Variants in MLX observed in about 807,000 individuals in gnomAD.
MLX encodes MAX dimerization protein MLX.
MLX carries 15 observed loss-of-function variants against 33.0 expected under a neutral mutation model. The ratio of observed to expected loss-of-function variants is 0.45; its 90% CI spans 0.30 to 0.70. The LOEUF is 0.70. Among genes scored for constraint, MLX ranks in the 30% least tolerant of loss-of-function variants. The pLI, the probability that MLX is intolerant of heterozygous loss-of-function variation, is 0.07. For synonymous variants in MLX, 115 were observed against 115.6 expected (o/e 0.99, Z 0.03); for missense variants, 285 against 306.3 (o/e 0.93, Z 0.52).
At chr17:42,568,410 C>T (rs1160515239) in intron 2 of MLX, 60 bp from the exon 3 acceptor site, 18 of 1,175,424 alleles carry the variant, frequency 1.5e-5, no homozygotes, top group Non-Finnish European at 2.5e-6. Context: ...CTACAGGTGT[C>T]TGAGGGTCTG....
At chr17:42,569,944 C>T (rs1318503956) in intron 6 of MLX, 38 bp from the exon 7 acceptor site, 3 of 1,571,890 alleles carry the variant, frequency 1.9e-6, no homozygotes, top group Admixed American at 1.7e-5. Flanking sequence ...GTGGGCGGAG[C>T]TGCTGCAGCA....
Position 42,567,190 on chromosome 17 carries a change from C to T in MLX, c.42+24C>T, listed in dbSNP as rs999925774. The T allele has an allele frequency of 8.5e-6, 11 of 1,290,450 alleles. No individual in the cohort carries two copies. The Admixed American group carries it at 3.6e-4, about 43-fold the overall frequency. The allele number at this position is 1,290,450 out of a possible 1,614,324, so 79.9% of individuals were successfully genotyped here. On this transcript the variant is annotated intron_variant, in intron 1 of 7. Transcript: ENST00000435881. ...AGGCAAGCCCCGTGGGCGCGCACGC[C>T]GGCGAGGGGAGGGCGGGTCGGGCTC...
At chr17:42,570,856 C>T (rs374630027) in intron 7 of MLX, among the ~76,000 whole-genome samples, 1 of 151,848 alleles carries the variant, frequency 6.6e-6, no homozygotes, top group Non-Finnish European at 1.5e-5. Flanking sequence ...GGGGTTTCAC[C>T]GTGTTAGCCA....
intron 7 of MLX, among the ~76,000 whole-genome samples, chr17:42,571,085 C>G (rs1265068152): frequency 6.6e-6 from 1 of 151,706 alleles, no homozygotes; most frequent in East Asian, 1.9e-4. Context: ...ATCTCTCCAT[C>G]TTGCTTCAGG....
Position 42,572,448 on chromosome 17 carries a change from C to T in MLX, c.*845C>T, listed in dbSNP as rs1567910861. 1 of 454,662 alleles carries T rather than the reference C, an allele frequency of 2.2e-6. No individual in the cohort carries two copies. Among genetic ancestry groups the T allele is most frequent in the East Asian group, 6.9e-5 (1 of 14,538 alleles). The allele number at this position is 454,662 out of a possible 1,614,324, so 28.2% of individuals were successfully genotyped here. ...CTCTCCCATGTCTCAGTGTTGCCTG[C>T]ATTTCTCCCAGGACTTGGGGGTGGG... is the stretch of plus-strand genomic sequence containing the variant. On this transcript the variant is annotated 3_prime_UTR_variant, in exon 8 of 8. Coordinates refer to ENST00000435881, the MANE Select transcript of MLX (RefSeq NM_198204.2).
In MLX at chr17:42,572,896, CA is replaced by C. The variant is rs750282241; in HGVS notation, c.*1295del. ...AACAACAACAAAAGCCAACCAAAAA[CA>C]AGGTAGCCAGTGCAAGACATCTCAC... On this transcript the variant is annotated 3_prime_UTR_variant, in exon 8 of 8. Coordinates refer to ENST00000435881, the MANE Select transcript of MLX (RefSeq NM_198204.2). 1.9e-6 allele frequency: 3 copies of C among 1,562,186 alleles called. No homozygotes were observed. The East Asian group carries it at 6.7e-5, about 35-fold the overall frequency.
In MLX at chr17:42,567,168, C is replaced by G. The variant is rs2093011252; in HGVS notation, c.42+2C>G. On this transcript the variant is annotated splice_donor_variant, in intron 1 of 7. Transcript: ENST00000435881. LOFTEE classifies it high-confidence loss of function. ...TCTCCCGAGGACCCTTGGGTCAAGGCAAGCCCCGTGGGCGCGCACGCCGGC... is the reference window on the plus strand; with the variant it reads ...TCTCCCGAGGACCCTTGGGTCAAGGGAAGCCCCGTGGGCGCGCACGCCGGC... The G allele has an allele frequency of 7.7e-7, 1 of 1,295,542 alleles. No individual in the cohort carries two copies. Among genetic ancestry groups the G allele is most frequent in the African/African-American group, 1.5e-5 (1 of 65,686 alleles). The allele number at this position is 1,295,542 out of a possible 1,614,324, so 80.3% of individuals were successfully genotyped here. A position where few individuals can be genotyped will look rare whatever the true frequency, so the allele number is the denominator to read the frequency against.
At position 42,573,021 on chromosome 17, in the gene MLX, C is replaced by T. The variant is rs1383163252; in HGVS notation, c.*1418C>T. 6.2e-7 allele frequency: 1 copy of T among 1,614,238 alleles called. No homozygotes were observed. The highest frequency in any genetic ancestry group is 1.1e-5 in the South Asian group (1 of 91,082). ...TCTTCATCCGTCTCTATCCCAACTT[C>T]CTCCTGTGAGACAGGGAGACAAGTG... is the stretch of plus-strand genomic sequence containing the variant. On this transcript the variant is annotated 3_prime_UTR_variant, in exon 8 of 8. Coordinates refer to ENST00000435881, the MANE Select transcript of MLX (RefSeq NM_198204.2).
chr17:42,572,785 C>T lies in MLX; in HGVS notation c.*1182C>T. The T allele has an allele frequency of 1.3e-6, 1 of 742,066 alleles. No individual in the cohort carries two copies. Among genetic ancestry groups the T allele is most frequent in the Non-Finnish European group, 2.4e-6 (1 of 422,718 alleles). 46.0% of individuals were successfully genotyped at this position (742,066 alleles called of 1,614,324 possible). On this transcript the variant is annotated 3_prime_UTR_variant, in exon 8 of 8. Coordinates refer to ENST00000435881, the MANE Select transcript of MLX (RefSeq NM_198204.2). ...ACAATGAAATGGGCTGGGTCTACCC[C>T]CAGCCACCAGCCCTCATCCTCTCTA... is the stretch of plus-strand genomic sequence containing the variant.
rs772525953 is a variant in MLX, at chr17:42,570,195, C to A, written c.678+12C>A. The A allele has an allele frequency of 6.2e-7, 1 of 1,612,776 alleles. No individual in the cohort carries two copies. The highest frequency in any genetic ancestry group is 8.5e-7 in the Non-Finnish European group (1 of 1,179,654). On this transcript the variant is annotated intron_variant, in intron 7 of 7. Transcript: ENST00000435881. Reference sequence around the variant, plus strand: ...ACTGTAAGCCTCAGGTATGGGGCAACAATAGGCACAGGGTCTGCGGTTTTC... The same window carrying A: ...ACTGTAAGCCTCAGGTATGGGGCAAAAATAGGCACAGGGTCTGCGGTTTTC...
At chr17:42,567,873 C>A in intron 2 of MLX, 1 of 608,356 alleles carries the variant, frequency 1.6e-6, no homozygotes, top group Non-Finnish European at 2.9e-6. Flanking sequence ...ACTGATCACT[C>A]ACCACTCAGT....
In MLX at chr17:42,571,560, T is replaced by C. The variant is rs752474682; in HGVS notation, c.692T>C (p.Ile231Thr). The change falls in exon 8 of 8, where the codon ATT becomes ACT. Residue 231 changes from isoleucine (I) to threonine (T), a missense_variant. Coordinates refer to ENST00000435881, the MANE Select transcript of MLX (RefSeq NM_198204.2). Reference sequence around the variant, plus strand: ...TGCCCTCGCCAGACCCTGCGGGAGATTGTGATTGGCGTCCTGCACCAATTG... The same window carrying C: ...TGCCCTCGCCAGACCCTGCGGGAGACTGTGATTGGCGTCCTGCACCAATTG... Reference protein sequence around the residue: ...EHCKPQTLREIVIGVLHQLKN... With the variant: ...EHCKPQTLRETVIGVLHQLKN... 37 of 1,614,038 alleles carry C rather than the reference T, an allele frequency of 2.3e-5. No homozygotes were observed. The highest frequency in any genetic ancestry group is 3.0e-5 in the Non-Finnish European group (35 of 1,180,030).
At chr17:42,570,953 C>T (rs1567909636) in intron 7 of MLX, among the ~76,000 whole-genome samples, 3 of 152,068 alleles carry the variant, frequency 2.0e-5, no homozygotes, top group Non-Finnish European at 2.9e-5. Flanking sequence ...CTGTGCCTGG[C>T]CTCGTTTCCC....
chr17:42,569,495 C>A lies in MLX; in HGVS notation c.377-12C>A, dbSNP rs147548692. On this transcript the variant is annotated splice_polypyrimidine_tract_variant and intron_variant, in intron 5 of 7. Coordinates refer to ENST00000435881, the MANE Select transcript of MLX (RefSeq NM_198204.2). ...TTCTGTACCTGTCCTTTTTTTCTTGCCCCCACCCTAGCCATTGACTACATT... is the reference window on the plus strand; with the variant it reads ...TTCTGTACCTGTCCTTTTTTTCTTGACCCCACCCTAGCCATTGACTACATT... 3 of 1,593,202 alleles carry A rather than the reference C, an allele frequency of 1.9e-6. No individual in the cohort carries two copies. Among genetic ancestry groups the A allele is most frequent in the Non-Finnish European group, 2.6e-6 (3 of 1,161,766 alleles).
chr17:42,567,320 T>C, intron 1 of MLX, 154 bp downstream of exon 1: 1 of 1,386,852 alleles, frequency 7.2e-7, no homozygotes, highest in Non-Finnish European at 9.4e-7. Context: ...TCACCCCGCG[T>C]GTGCCAAGGT....
Position 42,572,716 on chromosome 17 carries a change from A to G in MLX, c.*1113A>G. Reference sequence around the variant, plus strand: ...ATATTGCCAAATGCTTTCCTTTAGCATTGTTCCAAGTCTAAATGTTAACCT... The same window carrying G: ...ATATTGCCAAATGCTTTCCTTTAGCGTTGTTCCAAGTCTAAATGTTAACCT... On this transcript the variant is annotated 3_prime_UTR_variant, in exon 8 of 8. Transcript: ENST00000435881. The G allele has an allele frequency of 1.7e-6, 1 of 604,026 alleles. No individual in the cohort carries two copies. 37.4% of individuals were successfully genotyped at this position (604,026 alleles called of 1,614,324 possible).
intron 4 of MLX, 81 bp from the exon 5 acceptor site, chr17:42,569,123 T>C (rs1445691920): frequency 8.5e-6 from 12 of 1,406,210 alleles, no homozygotes; most frequent in East Asian, 2.3e-5. Flanking sequence ...AGCATAGAAC[T>C]TGGTGTCATG....
rs1049487435 is a variant in MLX, at chr17:42,573,200, G to C, written c.*1597G>C. 1 of 1,613,984 alleles carries C rather than the reference G, an allele frequency of 6.2e-7. No individual in the cohort carries two copies. Among genetic ancestry groups the C allele is most frequent in the Admixed American group, 1.7e-5 (1 of 59,992 alleles). On this transcript the variant is annotated 3_prime_UTR_variant, in exon 8 of 8. Transcript: ENST00000435881. ...AAATAAAACCACCCGTTTTCAGATG[G>C]GCAGCACTGGGCACTGCCTGTCAGT... is the stretch of plus-strand genomic sequence containing the variant.
rs772798603 is a variant in MLX at position 42,571,541 on chromosome 17, C to T, written c.679-6C>T. The T allele has an allele frequency of 9.9e-6, 16 of 1,614,028 alleles. No homozygotes were observed. Among genetic ancestry groups the T allele is most frequent in the Middle Eastern group, 1.6e-4 (1 of 6,084 alleles). ...TGTCTATTTCTTCCTCTGCTGCCCT[C>T]GCCAGACCCTGCGGGAGATTGTGAT... On this transcript the variant is annotated splice_polypyrimidine_tract_variant and splice_region_variant and intron_variant, in intron 7 of 7. Coordinates refer to ENST00000435881, the MANE Select transcript of MLX (RefSeq NM_198204.2).
Sources: gnomAD v4.1 joint callset for allele counts (sites outside exome capture counted in the v4.1 genomes callset) on GRCh38, gnomAD v4.1.1 for gene constraint, MANE v1.5 for transcripts, NCBI Gene and HGNC (gene_info 2026-07-23, HGNC 2026-07-21) for gene names.